The following EPHA6 variants were observed in gnomAD, a reference collection of about 807,000 sequenced individuals.
EPHA6 encodes the protein ephrin type-A receptor 6.
Under a neutral mutation model 112.0 loss-of-function variants are expected in EPHA6, and 50 were observed. That is an observed-to-expected ratio of 0.45 (90% CI 0.36 to 0.56). The LOEUF is 0.56. Among genes scored for constraint, EPHA6 ranks in the 20% least tolerant of loss-of-function variants. The probability of loss-of-function intolerance (pLI) is 0.00; values close to 1 mark genes in which losing one functional copy is unlikely to be tolerated. For missense variants in EPHA6, 1,280 were observed against 1,417.4 expected (o/e 0.90, Z 1.56); for synonymous variants, 529 against 490.7 (o/e 1.08, Z -1.03).
intron 5 of EPHA6, among the ~76,000 whole-genome samples, chr3:97,289,787 T>A (rs2080613570): frequency 6.6e-6 from 1 of 152,070 alleles, no homozygotes; most frequent in African/African-American, 2.4e-5. Flanking sequence ...CCTCCTTGGT[T>A]ACCTGTATTC....
chr3:97,530,027 A>C (rs2092677920), intron 10 of EPHA6, among the ~76,000 whole-genome samples: 3 of 152,028 alleles, frequency 2.0e-5, no homozygotes, highest in Admixed American at 1.3e-4. Context: ...CTGGTGGGTG[A>C]GGGTTTTTAA....
intron 3 of EPHA6, among the ~76,000 whole-genome samples, chr3:97,032,235 G>A (rs1345509464): frequency 6.6e-6 from 1 of 152,038 alleles, no homozygotes; most frequent in African/African-American, 2.4e-5. Flanking sequence ...CTCATAGGTG[G>A]GAATTGAACA....
rs1024911601 is a variant in EPHA6, at chr3:97,502,232, A to G, written c.2200+18173A>G. The stretch of plus-strand genomic sequence containing the variant: ...CGCCCACGCTGGAGTGCAATGGTGC[A>G]ATCTCGGCTCACTGCAACCTCTGCC... On this transcript the variant is annotated intron_variant, in intron 10 of 17. Coordinates refer to ENST00000389672, the MANE Select transcript of EPHA6 (RefSeq NM_001080448.3). 2.1e-5 allele frequency among the ~76,000 whole-genome samples: 3 copies of G among 145,952 alleles called. No homozygotes were observed. In the Admixed American group the frequency reaches 2.1e-4, roughly 10 times the overall value.
chr3:97,101,572 C>T (rs931908742), intron 3 of EPHA6, among the ~76,000 whole-genome samples: 6 of 151,996 alleles, frequency 3.9e-5, no homozygotes, highest in African/African-American at 1.4e-4. Flanking sequence ...TTCATTTAAG[C>T]AAGTTTTTCT....
intron 5 of EPHA6, among the ~76,000 whole-genome samples, chr3:97,395,058 G>A (rs2086621681): frequency 6.6e-6 from 1 of 151,234 alleles, no homozygotes; most frequent in South Asian, 2.1e-4. Context: ...GATATTTCAG[G>A]GCTGTTACTC....
chr3:97,289,721 G>A (rs1350864938), intron 5 of EPHA6, among the ~76,000 whole-genome samples: 1 of 151,992 alleles, frequency 6.6e-6, no homozygotes, highest in East Asian at 1.9e-4. Context: ...ATTTGTTTGT[G>A]TCATCTCTGA....
intron 10 of EPHA6, among the ~76,000 whole-genome samples, chr3:97,531,850 G>T (rs2092699183): frequency 6.6e-6 from 1 of 151,988 alleles, no homozygotes; most frequent in South Asian, 2.1e-4. Context: ...ACTTACTATG[G>T]TAGAGTTCAG....
At chr3:97,300,811 C>G (rs1169238332) in intron 5 of EPHA6, among the ~76,000 whole-genome samples, 1 of 151,656 alleles carries the variant, frequency 6.6e-6, no homozygotes, top group South Asian at 2.1e-4. Context: ...CTTACACGTT[C>G]AAGTCATAAC....
At chr3:97,664,970 T>C (rs568068589) in intron 14 of EPHA6, among the ~76,000 whole-genome samples, 200 of 152,220 alleles carry the variant, frequency 1.3e-3, no homozygotes, top group Non-Finnish European at 2.5e-3. Context: ...AAAAACTAAT[T>C]TAAAGTTCAT....
At chr3:97,103,781 A>G (rs2047480330) in intron 3 of EPHA6, among the ~76,000 whole-genome samples, 1 of 152,134 alleles carries the variant, frequency 6.6e-6, no homozygotes. Flanking sequence ...ATACATGATC[A>G]TGGAACGTTT....
intron 15 of EPHA6, among the ~76,000 whole-genome samples, chr3:97,724,492 C>A (rs1038752043): frequency 5.3e-5 from 8 of 152,056 alleles, no homozygotes; most frequent in African/African-American, 1.9e-4. Flanking sequence ...CTCAGTAGGC[C>A]AAGCATAGTA....
intron 14 of EPHA6, among the ~76,000 whole-genome samples, chr3:97,645,508 A>G (rs1306687695): frequency 8.6e-6 from 1 of 115,638 alleles, no homozygotes; most frequent in African/African-American, 3.4e-5. Flanking sequence ...CACTCTGGGG[A>G]CTGTGGTGGG....
intron 7 of EPHA6, among the ~76,000 whole-genome samples, chr3:97,467,004 G>A (rs536456134): frequency 6.6e-6 from 1 of 151,520 alleles, no homozygotes; most frequent in African/African-American, 2.4e-5. Context: ...CGATTTTTTC[G>A]GTGGAGAATA....
In EPHA6 at chr3:97,164,850, G is replaced by C. The variant is rs570860143; in HGVS notation, c.1115-61414G>C. On this transcript the variant is annotated intron_variant, in intron 3 of 17. Transcript: ENST00000389672. ...TTCTACCACCAGCATCCTATTTGAG[G>C]GTCTTATTAACTCTTTCTGGAACTT... is the stretch of plus-strand genomic sequence containing the variant. Among the ~76,000 whole-genome samples, 5 of 151,798 alleles carry C rather than the reference G, an allele frequency of 3.3e-5. No individual in the cohort carries two copies. In the East Asian group the frequency reaches 5.8e-4, roughly 18 times the overall value.
rs1248164445 is a variant in EPHA6, at chr3:97,753,599, G to C, written c.*4898G>C. 6.6e-6 allele frequency among the ~76,000 whole-genome samples: 1 copy of C among 152,182 alleles called. No homozygotes were observed. Among genetic ancestry groups the C allele is most frequent in the African/African-American group, 2.4e-5 (1 of 41,534 alleles). ...TATATGGATTCACTACCTCAAAGGT[G>C]CCTCCTGTTAGAAAACATTAGCTTT... On this transcript the variant is annotated 3_prime_UTR_variant, in exon 18 of 18. Coordinates refer to ENST00000389672, the MANE Select transcript of EPHA6 (RefSeq NM_001080448.3).
At chr3:97,457,911 C>CA (rs1217489107) in intron 7 of EPHA6, among the ~76,000 whole-genome samples, 1 of 151,104 alleles carries the variant, frequency 6.6e-6, no homozygotes, top group Non-Finnish European at 1.5e-5. Flanking sequence ...ACTAAAAATA[C>CA]AAAAAAATTA....
At chr3:97,038,315 C>A (rs191716402) in intron 3 of EPHA6, among the ~76,000 whole-genome samples, 2 of 151,960 alleles carry the variant, frequency 1.3e-5, no homozygotes, top group Non-Finnish European at 2.9e-5. Flanking sequence ...CTTTCCCCCC[C>A]CATGCTTCCT....
chr3:96,946,760 A>G (rs992902495), intron 2 of EPHA6, among the ~76,000 whole-genome samples: 9 of 152,196 alleles, frequency 5.9e-5, no homozygotes, highest in Non-Finnish European at 8.8e-5. Context: ...ACTGACTTCC[A>G]CAATGGTTGA....
intron 3 of EPHA6, among the ~76,000 whole-genome samples, chr3:97,018,034 C>T (rs909835862): frequency 1.3e-5 from 2 of 150,990 alleles, no homozygotes; most frequent in Admixed American, 6.6e-5. Flanking sequence ...CCTTCAACCT[C>T]ACTAATCCTT....
Sources: allele counts gnomAD v4.1 joint callset (sites outside exome capture counted in the v4.1 genomes callset), GRCh38; gene constraint gnomAD v4.1.1; transcripts MANE v1.5; gene names NCBI Gene and HGNC (gene_info 2026-07-23, HGNC 2026-07-21).